The following SPEF2 variants were observed in gnomAD, a reference collection of about 807,000 sequenced individuals.
The protein encoded by SPEF2 is sperm flagella and cilia-associated protein 2.
SPEF2 carries 187 observed loss-of-function variants against 224.6 expected under a neutral mutation model. That is an observed-to-expected ratio of 0.83 (90% confidence interval 0.74 to 0.94). The LOEUF is 0.94. Among genes scored for constraint, SPEF2 ranks in the 40% least tolerant of loss-of-function variants. The probability of loss-of-function intolerance (pLI) is 0.00; values close to 1 mark genes in which losing one functional copy is unlikely to be tolerated. For missense variants in SPEF2, 2,170 were observed against 2,135.6 expected (o/e 1.02, Z -0.32); for synonymous variants, 715 against 707.3 (o/e 1.01, Z -0.17).
In SPEF2 at chr5:35,801,512, C is replaced by CA. The variant is rs113114692; in HGVS notation, c.5010+1379dup. 3.7e-3 allele frequency among the ~76,000 whole-genome samples: 523 copies of CA among 139,494 alleles called. 1 individual carries two copies. The highest frequency in any genetic ancestry group is 0.01 in the African/African-American group (398 of 38,734). 91.5% of individuals were successfully genotyped at this position (139,494 alleles called of 152,430 possible). On this transcript the variant is annotated intron_variant, in intron 34 of 36. Coordinates refer to ENST00000356031, the MANE Select transcript of SPEF2 (RefSeq NM_024867.4). ...TCAGTGATAAAGCAAGACTCCATCT[C>CA]AAAAAAAAAAAAAATTCCCAAATAA...
At chr5:35,725,645 T>A (rs1744510618) in intron 20 of SPEF2, among the ~76,000 whole-genome samples, 2 of 152,222 alleles carry the variant, frequency 1.3e-5, no homozygotes, top group African/African-American at 4.8e-5. Context: ...TCTTGACTTT[T>A]AATTACTCAG....
chr5:35,720,525 A>G (rs1279015193), intron 20 of SPEF2, among the ~76,000 whole-genome samples: 2 of 152,206 alleles, frequency 1.3e-5, no homozygotes, highest in East Asian at 3.8e-4. Context: ...TTTGAAAAGG[A>G]TTAAAACAAG....
At chr5:35,743,892 C>A (rs940577410) in intron 23 of SPEF2, among the ~76,000 whole-genome samples, 1 of 152,116 alleles carries the variant, frequency 6.6e-6, no homozygotes, top group African/African-American at 2.4e-5. Context: ...CCCACAACCA[C>A]CCTCTGAGGC....
chr5:35,806,615 G>T, intron 34 of SPEF2, 92 bp from the exon 35 acceptor site: 13 of 1,468,574 alleles, frequency 8.9e-6, no homozygotes, highest in Non-Finnish European at 1.2e-5. Context: ...TTCATGAAAA[G>T]TGTGTGATTA....
At chr5:35,764,250 G>A (rs1462483895) in intron 26 of SPEF2, among the ~76,000 whole-genome samples, 2 of 152,034 alleles carry the variant, frequency 1.3e-5, no homozygotes, top group African/African-American at 4.8e-5. Context: ...CCCTCTGCTA[G>A]GCATTTTTCC....
intron 30 of SPEF2, among the ~76,000 whole-genome samples, chr5:35,780,847 G>C (rs1754244862): frequency 6.6e-6 from 1 of 152,128 alleles, no homozygotes; most frequent in Non-Finnish European, 1.5e-5. Flanking sequence ...AGGTAGAAGT[G>C]GATTTTGAAA....
Position 35,697,700 on chromosome 5 carries a change from G to C in SPEF2, c.2048G>C (p.Arg683Pro), listed in dbSNP as rs528000853. 2 of 1,612,742 alleles carry C rather than the reference G, an allele frequency of 1.2e-6. No homozygotes were observed. Among genetic ancestry groups the C allele is most frequent in the Non-Finnish European group, 1.7e-6 (2 of 1,179,442 alleles). ...TGTTTATTTTCCCAGCTCACTACAC[G>C]TGCTCAGCTTGGTGCAAAATCAGAA... is the stretch of plus-strand genomic sequence containing the variant. ...SSDSFLKLTT[R>P]AQLGAKSEQL... Residue 683 changes from arginine (R) to proline (P), a missense_variant, in exon 15 of 37, where the codon CGT becomes CCT. Physicochemically the swap from Arg to Pro is moderately radical, Grantham distance 103 (BLOSUM62 -2). Transcript: ENST00000356031.
intron 32 of SPEF2, among the ~76,000 whole-genome samples, chr5:35,793,896 C>A (rs949924533): frequency 1.3e-5 from 2 of 152,076 alleles, no homozygotes; most frequent in Admixed American, 1.3e-4. Context: ...ATGGCCCATA[C>A]AGAAGGGATC....
At chr5:35,712,703 C>T in intron 19 of SPEF2, 109 bp from the exon 20 acceptor site, 1 of 1,071,102 alleles carries the variant, frequency 9.3e-7, no homozygotes, top group South Asian at 1.5e-5. Context: ...ATGCAGTTCA[C>T]AAATGTAACT....
At chr5:35,649,181 T>C (rs999322657) in intron 5 of SPEF2, among the ~76,000 whole-genome samples, 180 bp from the exon 6 acceptor site, 13 of 152,126 alleles carry the variant, frequency 8.5e-5, no homozygotes, top group Non-Finnish European at 2.9e-5. Flanking sequence ...TAGGTATAGT[T>C]AGCCCAGTCT....
intron 24 of SPEF2, among the ~76,000 whole-genome samples, chr5:35,759,260 T>C (rs1414605596): frequency 6.6e-6 from 1 of 152,138 alleles, no homozygotes; most frequent in Non-Finnish European, 1.5e-5. Flanking sequence ...AATGTTAAAA[T>C]AGTAAATAGC....
intron 10 of SPEF2, 112 bp from the exon 11 acceptor site, chr5:35,690,925 T>C (rs1336530981): frequency 4.3e-6 from 3 of 704,394 alleles, no homozygotes; most frequent in Non-Finnish European, 6.9e-6. Flanking sequence ...ATTAAAGTAT[T>C]CATTGGCTTT....
intron 23 of SPEF2, among the ~76,000 whole-genome samples, chr5:35,751,078 T>C (rs56283001): frequency 0.095 from 2,138 of 22,454 alleles, 506 homozygotes; most frequent in Non-Finnish European, 0.14. Context: ...TATATATATA[T>C]ACACACACAC....
chr5:35,760,338 G>A (rs1751072973), intron 25 of SPEF2, among the ~76,000 whole-genome samples: 1 of 140,348 alleles, frequency 7.1e-6, no homozygotes, highest in Non-Finnish European at 1.5e-5. Flanking sequence ...ACTCCAGCCT[G>A]GGCGACAGAG....
At chr5:35,745,889 A>G (rs986617560) in intron 23 of SPEF2, among the ~76,000 whole-genome samples, 2 of 152,184 alleles carry the variant, frequency 1.3e-5, no homozygotes, top group Non-Finnish European at 2.9e-5. Context: ...CCATTAAACC[A>G]TCAAGGCTAA....
In SPEF2 at chr5:35,646,669, A is replaced by G; in HGVS notation, c.588A>G (p.Gln196=). 6.2e-7 allele frequency: 1 copy of G among 1,613,344 alleles called. No individual in the cohort carries two copies. The stretch of plus-strand genomic sequence containing the variant: ...ACTAATGTATATGGGATATTCAGCA[A>G]TACTTAAACAGAAGACGACAAAATG... ...EEQRCFDIEK[Q]YLNRRRQNEI... The change falls in exon 5 of 37, where the codon CAA becomes CAG. Residue 196 remains glutamine (Q), a splice_region_variant and synonymous_variant. Transcript: ENST00000356031.
intron 10 of SPEF2, among the ~76,000 whole-genome samples, chr5:35,683,485 C>T (rs1010155978): frequency 6.6e-6 from 1 of 152,074 alleles, no homozygotes; most frequent in Non-Finnish European, 1.5e-5. Flanking sequence ...ATTAGCTAGG[C>T]GTAGTGACAC....
intron 10 of SPEF2, chr5:35,671,476 A>G (rs940331519): frequency 2.0e-4 from 198 of 982,386 alleles, no homozygotes; most frequent in Non-Finnish European, 2.3e-4. Flanking sequence ...TATTACATCC[A>G]CCTAAAGTAT....
intron 8 of SPEF2, among the ~76,000 whole-genome samples, chr5:35,661,446 C>T (rs1749736444): frequency 6.7e-6 from 1 of 149,442 alleles, no homozygotes; most frequent in African/African-American, 2.5e-5. Flanking sequence ...CTTTTAAGTT[C>T]AGGGGTATAA....
Sources: allele counts gnomAD v4.1 joint callset (sites outside exome capture counted in the v4.1 genomes callset), GRCh38; gene constraint gnomAD v4.1.1; transcripts MANE v1.5; gene names NCBI Gene and HGNC (gene_info 2026-07-23, HGNC 2026-07-21).